CHD1: variants seen among roughly 807,000 people sequenced by gnomAD.
CHD1 encodes ATP-dependent chromatin remodeler CHD1.
CHD1 carries 36 observed loss-of-function variants against 224.2 expected under a neutral mutation model. The observed-to-expected ratio is 0.16, with a 90% confidence interval of 0.12 to 0.21. CHD1 has a LOEUF of 0.21. Ranked by LOEUF, CHD1 falls within the 10% of genes least tolerant of loss-of-function variation. The pLI, the probability that CHD1 is intolerant of heterozygous loss-of-function variation, is 1.00. For synonymous variants in CHD1, 668 were observed against 658.3 expected (o/e 1.01, Z -0.23); for missense variants, 1,378 against 1,994.8 (o/e 0.69, Z 5.89).
intron 2 of CHD1, among the ~76,000 whole-genome samples, chr5:98,923,440 G>GT (rs1561283151): frequency 6.8e-5 from 10 of 147,704 alleles, no homozygotes; most frequent in Non-Finnish European, 1.2e-4. Flanking sequence ...TTTTTGAGAC[G>GT]GAGTTTCACT....
chr5:98,888,589 G>C (rs1412938303), intron 16 of CHD1, among the ~76,000 whole-genome samples: 1 of 152,180 alleles, frequency 6.6e-6, no homozygotes, highest in East Asian at 1.9e-4. Context: ...GGTTTAAAAA[G>C]AGTAAGCAAA....
chr5:98,897,459 T>A, intron 10 of CHD1, 139 bp from the exon 11 acceptor site: 1 of 604,722 alleles, frequency 1.7e-6, no homozygotes, highest in Non-Finnish European at 2.8e-6. Flanking sequence ...ACTCAAAATG[T>A]ACCTGAGGAT....
chr5:98,878,697 TAACA>T (rs1379849730), intron 23 of CHD1, among the ~76,000 whole-genome samples: 1 of 152,132 alleles, frequency 6.6e-6, no homozygotes, highest in Admixed American at 6.5e-5. Flanking sequence ...TACCAATGAT[TAACA>T]AACATAGTTG....
chr5:98,889,335 C>G (rs1750854592), intron 15 of CHD1, 97 bp from the exon 16 acceptor site: 1 of 836,886 alleles, frequency 1.2e-6, no homozygotes, highest in Admixed American at 2.9e-5. Flanking sequence ...AACGATAGTA[C>G]CAAAGTAAAA....
intron 2 of CHD1, among the ~76,000 whole-genome samples, chr5:98,907,261 T>C (rs761933188): frequency 6.6e-6 from 1 of 152,220 alleles, no homozygotes; most frequent in Non-Finnish European, 1.5e-5. Context: ...ATAAAGTATT[T>C]ATTTTATTGA....
At chr5:98,894,272 A>G (rs1370813426) in intron 13 of CHD1, among the ~76,000 whole-genome samples, 1 of 152,234 alleles carries the variant, frequency 6.6e-6, no homozygotes, top group Non-Finnish European at 1.5e-5. Context: ...TTCTTTAAAG[A>G]GCTTACAAAT....
intron 14 of CHD1, among the ~76,000 whole-genome samples, 195 bp from the exon 15 acceptor site, chr5:98,892,908 T>C (rs1486508973): frequency 6.6e-6 from 1 of 152,198 alleles, no homozygotes. Flanking sequence ...TTAGTTGTTT[T>C]ATAAGTTATG....
At chr5:98,860,225 T>C (rs770766779) in intron 32 of CHD1, 157 bp from the exon 33 acceptor site, 21 of 633,138 alleles carry the variant, frequency 3.3e-5, no homozygotes, top group African/African-American at 5.4e-5. Context: ...ATGCATTTTT[T>C]CAAAACTTCA....
intron 9 of CHD1, 66 bp from the exon 10 acceptor site, chr5:98,898,500 A>AG: frequency 7.3e-7 from 1 of 1,362,086 alleles, no homozygotes. Context: ...CAGATACATA[A>AG]TTCTTAGTAA....
intron 10 of CHD1, among the ~76,000 whole-genome samples, chr5:98,897,839 TCTC>T (rs1751440399): frequency 6.6e-6 from 1 of 152,146 alleles, no homozygotes; most frequent in Non-Finnish European, 1.5e-5. Flanking sequence ...CCTATATCAC[TCTC>T]CTTTTTCTCT....
chr5:98,925,657 T>C (rs1399592681), intron 2 of CHD1, among the ~76,000 whole-genome samples: 1 of 152,066 alleles, frequency 6.6e-6, no homozygotes, highest in Admixed American at 6.6e-5. Flanking sequence ...TGCAAACACT[T>C]GACCCAAGCA....
chr5:98,861,407 A>T (rs1748455705), intron 32 of CHD1, among the ~76,000 whole-genome samples: 1 of 152,238 alleles, frequency 6.6e-6, no homozygotes, highest in African/African-American at 2.4e-5. Flanking sequence ...GTTGTTTTTA[A>T]GAAATTTGGT....
At chr5:98,894,777 T>C (rs1751239304) in intron 12 of CHD1, 91 bp from the exon 13 acceptor site, 11 of 587,298 alleles carry the variant, frequency 1.9e-5, no homozygotes, top group South Asian at 1.8e-4. Flanking sequence ...TCCATTCAAA[T>C]ATGTAAGTAA....
Position 98,856,369 on chromosome 5 carries a change from A to C in CHD1, c.*11T>G. The C allele has an allele frequency of 6.3e-7, 1 of 1,593,714 alleles. No individual in the cohort carries two copies. Among genetic ancestry groups the C allele is most frequent in the Non-Finnish European group, 8.6e-7 (1 of 1,163,110 alleles). On this transcript the variant is annotated 3_prime_UTR_variant, in exon 36 of 36. Transcript: ENST00000614616. ...AAAGAAAAGTCCAGAAAGACGAAGT[A>C]TCAGTTTTTGTTATGTTTTCCGACT...
intron 2 of CHD1, among the ~76,000 whole-genome samples, chr5:98,910,386 A>G (rs1447486725): frequency 1.3e-5 from 2 of 152,192 alleles, no homozygotes; most frequent in Non-Finnish European, 2.9e-5. Context: ...TAACTGCTAT[A>G]AAGTCAGGTA....
chr5:98,898,976 G>A (rs1490116655), intron 8 of CHD1, among the ~76,000 whole-genome samples: 1 of 152,142 alleles, frequency 6.6e-6, no homozygotes, highest in Non-Finnish European at 1.5e-5. Context: ...CACTCTATGT[G>A]ACTGTTACCA....
intron 32 of CHD1, among the ~76,000 whole-genome samples, chr5:98,861,280 A>ATTT (rs1189003868): frequency 6.6e-6 from 1 of 152,206 alleles, no homozygotes; most frequent in East Asian, 1.9e-4. Context: ...CTACAATACT[A>ATTT]TTAAAAGGAT....
Position 98,873,707 on chromosome 5 carries a change from G to T in CHD1, c.3457C>A (p.Arg1153=). ...GACTTATCAACTAACTCAGCATCTC[G>T]AGCAATTGCATCTAATCTGTAACAA... ...GPLERLDAIA[R]DAELVDKSET... Residue 1153 remains arginine, a synonymous_variant, in exon 26 of 36, where the codon CGA becomes AGA. Coordinates refer to ENST00000614616, the MANE Select transcript of CHD1 (RefSeq NM_001270.4). 1 of 1,608,110 alleles carries T rather than the reference G, an allele frequency of 6.2e-7. No individual in the cohort carries two copies. Among genetic ancestry groups the T allele is most frequent in the Non-Finnish European group, 8.5e-7 (1 of 1,177,896 alleles).
chr5:98,887,509 T>C (rs1384348951), intron 17 of CHD1, among the ~76,000 whole-genome samples: 4 of 152,176 alleles, frequency 2.6e-5, no homozygotes, highest in Admixed American at 2.0e-4. Context: ...ATTAAGTAAT[T>C]AGATCTGAAG....
Sources: allele counts gnomAD v4.1 joint callset (sites outside exome capture counted in the v4.1 genomes callset), GRCh38; gene constraint gnomAD v4.1.1; transcripts MANE v1.5; gene names NCBI Gene and HGNC (gene_info 2026-07-23, HGNC 2026-07-21).